Variants in NAV3 observed in about 807,000 individuals in gnomAD.
The protein encoded by NAV3 is pore membrane and/or filament interacting like protein 1.
A neutral mutation model predicts 244.7 loss-of-function variants in NAV3; 87 were observed. The observed-to-expected ratio is 0.36, with a 90% confidence interval of 0.30 to 0.42. NAV3 has a LOEUF of 0.42. Among genes scored for constraint, NAV3 ranks in the 20% least tolerant of loss-of-function variants. The pLI is 1.00. For missense variants in NAV3, 2,663 were observed against 2,893.3 expected (o/e 0.92, Z 1.83); for synonymous variants, 1,126 against 1,042.2 (o/e 1.08, Z -1.55).
At chr12:78,023,289 A>G (rs1339463643) in intron 9 of NAV3, among the ~76,000 whole-genome samples, 1 of 152,050 alleles carries the variant, frequency 6.6e-6, no homozygotes, top group Non-Finnish European at 1.5e-5. Context: ...AATAGTCTGT[A>G]TTTGATGTTT....
At chr12:77,937,667 C>T (rs1889455269) in intron 1 of NAV3, among the ~76,000 whole-genome samples, 1 of 152,084 alleles carries the variant, frequency 6.6e-6, no homozygotes, top group South Asian at 2.1e-4. Context: ...ATTCACAACA[C>T]CTGTGAAGTG....
chr12:77,855,476 G>C (rs113203298), intron 1 of NAV3, among the ~76,000 whole-genome samples: 8,207 of 152,164 alleles, frequency 0.054, 314 homozygotes, highest in Non-Finnish European at 0.085. Flanking sequence ...TTCTCAAAAG[G>C]TCTCTGTTCA....
Position 77,614,276 on chromosome 12 carries a change from G to T in NAV3, c.72+42010G>T, listed in dbSNP as rs73425533. On this transcript the variant is annotated intron_variant, in intron 2 of 8. Transcript: ENST00000550042. ...CCCAGACATTGCCAAATGTCCTCTG[G>T]GGAGTGAAATTGTCCTTGGTTGATA... Among the ~76,000 whole-genome samples the T allele has an allele frequency of 6.5e-3, 989 of 151,554 alleles. 14 individuals are homozygous for T. Among genetic ancestry groups the T allele is most frequent in the African/African-American group, 0.023 (937 of 41,300 alleles).
At chr12:77,817,678 G>A (rs1298234519) in intron 2 of NAV3, among the ~76,000 whole-genome samples, 1 of 151,760 alleles carries the variant, frequency 6.6e-6, no homozygotes, top group African/African-American at 2.4e-5. Context: ...TAATTTTGTG[G>A]CTTTTTAAAA....
chr12:77,613,664 T>G (rs1871022594), intron 2 of NAV3, among the ~76,000 whole-genome samples: 1 of 152,128 alleles, frequency 6.6e-6, no homozygotes. Flanking sequence ...TCTCAGTGTT[T>G]GTGGGTGAGG....
chr12:78,176,667 G>A (rs1321594572), intron 26 of NAV3, among the ~76,000 whole-genome samples: 1 of 152,040 alleles, frequency 6.6e-6, no homozygotes, highest in East Asian at 1.9e-4. Flanking sequence ...ACCAATTCTG[G>A]TTTTGAGTAG....
At chr12:78,132,332 A>G (rs1002628511) in intron 18 of NAV3, among the ~76,000 whole-genome samples, 4 of 152,172 alleles carry the variant, frequency 2.6e-5, no homozygotes, top group Non-Finnish European at 5.9e-5. Flanking sequence ...TTTCATTGCT[A>G]TAGAAACCAA....
chr12:78,058,980 A>T lies in NAV3; in HGVS notation c.2517-16A>T, dbSNP rs200006922. ...TGATTTAGTTTTCTGTGAATTAATTAGACATTTCTTTTCAGGTACATGACA... is the reference window on the plus strand; with the variant it reads ...TGATTTAGTTTTCTGTGAATTAATTTGACATTTCTTTTCAGGTACATGACA... On this transcript the variant is annotated splice_polypyrimidine_tract_variant and intron_variant, in intron 11 of 39. Transcript: ENST00000397909. 1 of 1,579,322 alleles carries T rather than the reference A, an allele frequency of 6.3e-7. No homozygotes were observed. The highest frequency in any genetic ancestry group is 1.2e-5 in the South Asian group (1 of 84,146).
At chr12:78,031,125 G>A (rs1202425538) in intron 9 of NAV3, among the ~76,000 whole-genome samples, 2 of 152,134 alleles carry the variant, frequency 1.3e-5, no homozygotes, top group Non-Finnish European at 2.9e-5. Context: ...GTAAGATGCA[G>A]GCTTTATAAA....
At chr12:77,873,290 C>A (rs778555366) in intron 1 of NAV3, among the ~76,000 whole-genome samples, 11 of 151,936 alleles carry the variant, frequency 7.2e-5, no homozygotes, top group Non-Finnish European at 1.3e-4. Flanking sequence ...CTCAGATTTA[C>A]TTTTTAGTAT....
Position 78,036,753 on chromosome 12 carries a change from G to T in NAV3, c.2024-13240G>T, listed in dbSNP as rs116341450. ...GAATCTTCTGTGAATGTGTGAGCTT[G>T]AGCTTTTATTGAAGTGCATGTGATA... is the stretch of plus-strand genomic sequence containing the variant. On this transcript the variant is annotated intron_variant, in intron 9 of 39. Coordinates refer to ENST00000397909, the MANE Select transcript of NAV3 (RefSeq NM_001024383.2). 2.2e-3 allele frequency: 1,286 copies of T among 594,516 alleles called. 24 individuals are homozygous for T. In the African/African-American group the frequency reaches 0.022, roughly 10 times the overall value. The allele number at this position is 594,516 out of a possible 1,614,324, so 36.8% of individuals were successfully genotyped here.
chr12:78,119,418 G>A lies in NAV3; in HGVS notation c.3222G>A (p.Gly1074=), dbSNP rs1180529613. ...SFGFKKPSGV[G]SSAMITSSGA... ...GCTTTAAGAAACCAAGTGGAGTAGG[G>A]TCATCTGCCATGATCACCAGCAGTG... Residue 1074 remains glycine (G), a synonymous_variant, in exon 15 of 40, where the codon GGG becomes GGA. Transcript: ENST00000397909. 1.9e-6 allele frequency: 3 copies of A among 1,614,180 alleles called. No individual in the cohort carries two copies. In the South Asian group the frequency reaches 3.3e-5, roughly 18 times the overall value.
chr12:78,140,342 A>G lies in NAV3; in HGVS notation c.4683+8A>G, dbSNP rs200202442. The G allele has an allele frequency of 3.4e-5, 55 of 1,610,456 alleles. No homozygotes were observed. In the East Asian group the frequency reaches 1.2e-3, roughly 34 times the overall value. ...TCTTCTCTTTACTCTACAGTAAGTA[A>G]TGGCTGTTAAGAAAAAGCTTGTGCT... On this transcript the variant is annotated splice_region_variant and intron_variant, in intron 20 of 39. Transcript: ENST00000397909.
At chr12:77,975,932 A>G (rs1285007186) in intron 5 of NAV3, among the ~76,000 whole-genome samples, 1 of 152,186 alleles carries the variant, frequency 6.6e-6, no homozygotes, top group Non-Finnish European at 1.5e-5. Flanking sequence ...TTGGGCTATC[A>G]TGTTGAAAGT....
intron 2 of NAV3, among the ~76,000 whole-genome samples, chr12:77,644,030 C>T (rs1030666991): frequency 1.3e-5 from 2 of 152,088 alleles, no homozygotes; most frequent in Admixed American, 6.6e-5. Context: ...TACATAAACA[C>T]ATGTGTAGAC....
intron 1 of NAV3, among the ~76,000 whole-genome samples, chr12:77,919,749 C>T (rs1159366987): frequency 6.6e-6 from 1 of 151,968 alleles, no homozygotes; most frequent in South Asian, 2.1e-4. Context: ...TCTGCATGTA[C>T]ACTGCTCTCA....
intron 15 of NAV3, among the ~76,000 whole-genome samples, chr12:78,120,527 C>A (rs1955625802): frequency 6.6e-6 from 1 of 152,174 alleles, no homozygotes; most frequent in Non-Finnish European, 1.5e-5. Flanking sequence ...AGTATCACAA[C>A]TGAAGAGTGG....
At chr12:77,804,322 G>A (rs932793773) in intron 2 of NAV3, among the ~76,000 whole-genome samples, 8 of 152,072 alleles carry the variant, frequency 5.3e-5, no homozygotes, top group Non-Finnish European at 8.8e-5. Context: ...AGTTAATTTT[G>A]TATAAGGTGT....
At chr12:78,177,425 G>C in intron 27 of NAV3, 112 bp downstream of exon 27, 2 of 1,252,788 alleles carry the variant, frequency 1.6e-6, no homozygotes, top group Non-Finnish European at 2.2e-6. Context: ...ATTTTTCTGA[G>C]AATGATGGAC....
Sources: gnomAD v4.1 joint callset for allele counts (sites outside exome capture counted in the v4.1 genomes callset) on GRCh38, gnomAD v4.1.1 for gene constraint, MANE v1.5 for transcripts, NCBI Gene and HGNC (gene_info 2026-07-23, HGNC 2026-07-21) for gene names.